The following TNRC6B variants were observed in gnomAD, a reference collection of about 807,000 sequenced individuals.
The protein encoded by TNRC6B is trinucleotide repeat containing adaptor 6B, also known as trinucleotide repeat-containing gene 6B protein.
TNRC6B carries 52 observed loss-of-function variants against 203.6 expected under a neutral mutation model. The observed-to-expected ratio is 0.26, with a 90% CI of 0.20 to 0.32. The LOEUF (loss-of-function observed/expected upper bound fraction) is 0.32, where lower values mean the gene tolerates loss of function less well. Among genes scored for constraint, TNRC6B ranks in the 10% least tolerant of loss-of-function variants. The pLI is 1.00. For missense variants in TNRC6B, 1,923 were observed against 2,286.2 expected (o/e 0.84, Z 3.24); for synonymous variants, 838 against 845.7 (o/e 0.99, Z 0.16).
chr22:40,075,156 A>ATATATATATATATAT, intron 1 of TNRC6B, among the ~76,000 whole-genome samples: 2 of 35,556 alleles, frequency 5.6e-5, no homozygotes, highest in African/African-American at 2.1e-4. Context: ...ATATATATAT[A>ATATATATATATATAT]TTTTTTTTTT....
At chr22:40,229,941 G>T (rs2069844080) in intron 1 of TNRC6B, among the ~76,000 whole-genome samples, 1 of 152,100 alleles carries the variant, frequency 6.6e-6, no homozygotes, top group African/African-American at 2.4e-5. Flanking sequence ...GTCTTTGTTG[G>T]ACATACGCTT....
Position 40,103,385 on chromosome 22 carries a change from C to T in TNRC6B, c.-120-13670C>T, listed in dbSNP as rs190621779. ...CAAGTGCTGTCAGTCCCTTTTCCCA[C>T]GCCATGCCCCAGGCAGCCCCTGAAA... is the stretch of plus-strand genomic sequence containing the variant. On this transcript the variant is annotated intron_variant, in intron 1 of 23. Coordinates refer to the TNRC6B transcript ENST00000301923. 4.7e-4 allele frequency among the ~76,000 whole-genome samples: 72 copies of T among 152,248 alleles called. 2 individuals carry two copies. Among genetic ancestry groups the T allele is most frequent in the Non-Finnish European group, 1.5e-4 (10 of 68,002 alleles).
At position 40,327,349 on chromosome 22, in the gene TNRC6B, C is replaced by T. The variant is rs1052599584; in HGVS notation, c.*4108C>T. On this transcript the variant is annotated 3_prime_UTR_variant, in exon 23 of 23. Transcript: ENST00000454349. ...GCTGAATTTAAAATAAATAAACAAA[C>T]GTCAAGCAAGTTAATATGCTTATGT... is the stretch of plus-strand genomic sequence containing the variant. 2 of 152,620 alleles carry T rather than the reference C, an allele frequency of 1.3e-5. No homozygotes were observed. The highest frequency in any genetic ancestry group is 2.4e-5 in the African/African-American group (1 of 41,416). 9.5% of individuals were successfully genotyped at this position (152,620 alleles called of 1,614,324 possible).
At chr22:40,225,633 C>T (rs1329808429) in intron 1 of TNRC6B, among the ~76,000 whole-genome samples, 3 of 149,206 alleles carry the variant, frequency 2.0e-5, no homozygotes, top group Non-Finnish European at 3.0e-5. Context: ...ACCCCAGCTA[C>T]GCGGGAGGCT....
At chr22:40,244,625 C>T (rs2070079700) in intron 1 of TNRC6B, among the ~76,000 whole-genome samples, 1 of 152,152 alleles carries the variant, frequency 6.6e-6, no homozygotes, top group Non-Finnish European at 1.5e-5. Context: ...GCCATGTTTG[C>T]AAACCTGTTA....
At chr22:40,060,635 C>G (rs952566118) in intron 1 of TNRC6B, among the ~76,000 whole-genome samples, 2 of 152,194 alleles carry the variant, frequency 1.3e-5, no homozygotes, top group Non-Finnish European at 2.9e-5. Context: ...TAGTCATACT[C>G]ATGACTAAGA....
At chr22:40,196,224 A>G (rs2069335412) in intron 1 of TNRC6B, among the ~76,000 whole-genome samples, 1 of 151,892 alleles carries the variant, frequency 6.6e-6, no homozygotes, top group Non-Finnish European at 1.5e-5. Context: ...CAATGTCACA[A>G]TCTCAGCCTC....
chr22:40,219,556 C>T (rs1439789242), intron 1 of TNRC6B, among the ~76,000 whole-genome samples: 1 of 152,192 alleles, frequency 6.6e-6, no homozygotes, highest in African/African-American at 2.4e-5. Context: ...CCTCACGCCA[C>T]ATCTGTTCCA....
At chr22:40,178,290 G>T in intron 1 of TNRC6B, 150 bp downstream of exon 1, 1 of 852,510 alleles carries the variant, frequency 1.2e-6, no homozygotes, top group South Asian at 2.1e-5. Flanking sequence ...GACCCGTGAT[G>T]TACTTTGGTT....
intron 12 of TNRC6B, among the ~76,000 whole-genome samples, chr22:40,297,609 G>T (rs2070961558): frequency 6.6e-6 from 1 of 152,174 alleles, no homozygotes; most frequent in Non-Finnish European, 1.5e-5. Flanking sequence ...GGATCACGAG[G>T]TCAGGAGTTC....
At chr22:40,164,403 AAAAAG>A (rs1206353042) in intron 4 of TNRC6B, among the ~76,000 whole-genome samples, 1 of 151,550 alleles carries the variant, frequency 6.6e-6, no homozygotes, top group Non-Finnish European at 1.5e-5. Context: ...AAAAAAAAAA[AAAAAG>A]GGCATTGTTA....
chr22:40,105,134 A>G (rs1263401114), intron 1 of TNRC6B, among the ~76,000 whole-genome samples: 1 of 152,218 alleles, frequency 6.6e-6, no homozygotes. Flanking sequence ...ATGGGTGGTA[A>G]GGAATGAGAC....
At chr22:40,210,485 G>A (rs2146420420) in intron 1 of TNRC6B, among the ~76,000 whole-genome samples, 1 of 152,316 alleles carries the variant, frequency 6.6e-6, no homozygotes, top group East Asian at 1.9e-4. Context: ...AAGGGAGTTT[G>A]TATATCAGTT....
chr22:40,078,215 T>C (rs2068035482), intron 1 of TNRC6B, among the ~76,000 whole-genome samples: 1 of 152,240 alleles, frequency 6.6e-6, no homozygotes, highest in Admixed American at 6.5e-5. Flanking sequence ...AAAGGAGTTT[T>C]TCAGTTTCTT....
chr22:40,197,127 T>G (rs1319680987), intron 1 of TNRC6B, among the ~76,000 whole-genome samples: 1 of 152,050 alleles, frequency 6.6e-6, no homozygotes, highest in African/African-American at 2.4e-5. Flanking sequence ...GTGGAGTGTC[T>G]TAAAATATGG....
rs1160683906 is a variant in TNRC6B at position 40,273,420 on chromosome 22, T to A, written c.2966-5T>A. 6.3e-7 allele frequency: 1 copy of A among 1,594,744 alleles called. No homozygotes were observed. Among genetic ancestry groups the A allele is most frequent in the African/African-American group, 1.3e-5 (1 of 74,344 alleles). On this transcript the variant is annotated splice_region_variant and splice_polypyrimidine_tract_variant and intron_variant, in intron 6 of 22. Coordinates refer to ENST00000454349, the MANE Select transcript of TNRC6B (RefSeq NM_001162501.2). ...GCAAAGAGTTAATTCATTCTTTCCT[T>A]AAAGATTCCAAATCTATGCAAGACG...
intron 6 of TNRC6B, 102 bp downstream of exon 6, chr22:40,270,382 C>T (rs1290206076): frequency 1.5e-5 from 18 of 1,163,144 alleles, no homozygotes; most frequent in Non-Finnish European, 3.3e-6. Context: ...TGCAGTGGTG[C>T]AATTTCGGCT....
chr22:40,155,207 G>A (rs2068809002), intron 3 of TNRC6B, among the ~76,000 whole-genome samples: 1 of 151,776 alleles, frequency 6.6e-6, no homozygotes, highest in South Asian at 2.1e-4. Context: ...AGCTTCTCTA[G>A]GTATATACCT....
intron 21 of TNRC6B, among the ~76,000 whole-genome samples, chr22:40,317,470 C>T (rs573227300): frequency 2.0e-5 from 3 of 152,072 alleles, no homozygotes; most frequent in Admixed American, 6.5e-5. Flanking sequence ...CCCAGCTACT[C>T]GGGAGGCTGA....
Sources: allele counts gnomAD v4.1 joint callset (sites outside exome capture counted in the v4.1 genomes callset), GRCh38; gene constraint gnomAD v4.1.1; transcripts MANE v1.5; gene names NCBI Gene and HGNC (gene_info 2026-07-23, HGNC 2026-07-21).